The following MYO9A variants were observed in gnomAD, a reference collection of about 807,000 sequenced individuals.
MYO9A encodes the protein unconventional myosin-IXa.
MYO9A carries 103 observed loss-of-function variants against 293.3 expected under a neutral mutation model. That is an observed-to-expected ratio of 0.35 (90% confidence interval 0.30 to 0.41). The LOEUF (loss-of-function observed/expected upper bound fraction) is 0.41. Among genes scored for constraint, MYO9A ranks in the 10% least tolerant of loss-of-function variants. MYO9A has a pLI of 1.00. For missense variants in MYO9A, 2,685 were observed against 3,033.0 expected (o/e 0.89, Z 2.69); for synonymous variants, 1,001 against 1,035.7 (o/e 0.97, Z 0.64).
intron 11 of MYO9A, among the ~76,000 whole-genome samples, chr15:71,986,719 T>G (rs1320699550): frequency 1.3e-5 from 2 of 152,220 alleles, no homozygotes; most frequent in African/African-American, 4.8e-5. Context: ...AAAACATTTT[T>G]GTACAGCTGT....
At chr15:71,951,633 C>T (rs2059053099) in intron 15 of MYO9A, 144 bp downstream of exon 15, 4 of 856,354 alleles carry the variant, frequency 4.7e-6, no homozygotes, top group Non-Finnish European at 7.0e-6. Context: ...ACTAAAGACT[C>T]AATAGAAATA....
At chr15:71,856,214 G>A (rs1007646659) in intron 34 of MYO9A, among the ~76,000 whole-genome samples, 1 of 152,052 alleles carries the variant, frequency 6.6e-6, no homozygotes, top group African/African-American at 2.4e-5. Context: ...AGGAGGCTGA[G>A]GCAGGAGAAT....
intron 19 of MYO9A, among the ~76,000 whole-genome samples, chr15:71,909,695 T>G (rs1015024335): frequency 1.3e-5 from 2 of 152,230 alleles, no homozygotes; most frequent in African/African-American, 4.8e-5. Flanking sequence ...GTCTACTTAC[T>G]TAAGAGTCGA....
intron 15 of MYO9A, among the ~76,000 whole-genome samples, chr15:71,949,386 T>C (rs1161343565): frequency 6.6e-6 from 1 of 151,812 alleles, no homozygotes; most frequent in Non-Finnish European, 1.5e-5. Flanking sequence ...GTATTTTTAG[T>C]AGAGACAGGG....
rs773863675 is a variant in MYO9A at position 71,994,614 on chromosome 15, G to A, written c.1471-29C>T. The stretch of plus-strand genomic sequence containing the variant: ...AAAAACAAAAGCATTACAAGTGCAT[G>A]TAGAATTGACAATGATTAAGATACT... On this transcript the variant is annotated intron_variant, in intron 9 of 41. Coordinates refer to ENST00000356056, the MANE Select transcript of MYO9A (RefSeq NM_006901.4). 1.5e-5 allele frequency: 21 copies of A among 1,365,014 alleles called. No homozygotes were observed. The East Asian group carries it at 4.2e-4, about 27-fold the overall frequency. The allele number at this position is 1,365,014 out of a possible 1,614,324, so 84.6% of individuals were successfully genotyped here. A position where few individuals can be genotyped will look rare whatever the true frequency, so the allele number is the denominator to read the frequency against.
chr15:72,116,381 A>G (rs775473212), intron 1 of MYO9A, among the ~76,000 whole-genome samples: 3 of 152,220 alleles, frequency 2.0e-5, no homozygotes, highest in Non-Finnish European at 4.4e-5. Flanking sequence ...ATGCAACATT[A>G]CATTTCTTTC....
rs1379385215 is a variant in MYO9A, at chr15:71,825,394, A to ATATT, written c.*1182_*1185dup. On this transcript the variant is annotated 3_prime_UTR_variant, in exon 42 of 42. Transcript: ENST00000356056. ...TTTACAATAAACTTCAGTAACCAGA[A>ATATT]TATTAACAAAAATAGCTTCAAGTAG... 1.3e-5 allele frequency: 2 copies of ATATT among 152,258 alleles called. No individual in the cohort carries two copies. The highest frequency in any genetic ancestry group is 2.4e-5 in the African/African-American group (1 of 41,470). 9.4% of individuals were successfully genotyped at this position (152,258 alleles called of 1,614,324 possible).
chr15:71,906,289 A>G (rs1182269881), intron 19 of MYO9A, among the ~76,000 whole-genome samples: 1 of 152,190 alleles, frequency 6.6e-6, no homozygotes, highest in African/African-American at 2.4e-5. Context: ...ATATTCTGCA[A>G]TTGTTGGCTA....
intron 13 of MYO9A, 166 bp from the exon 14 acceptor site, chr15:71,960,262 G>A: frequency 3.2e-6 from 2 of 616,738 alleles, no homozygotes; most frequent in Non-Finnish European, 5.7e-6. Flanking sequence ...GGTCATGGAG[G>A]CAGATCCCTC....
chr15:72,024,243 G>A (rs1383151846), intron 4 of MYO9A, among the ~76,000 whole-genome samples: 5 of 152,186 alleles, frequency 3.3e-5, no homozygotes, highest in Non-Finnish European at 5.9e-5. Context: ...ACTGGTAAAA[G>A]TAACTACATA....
chr15:72,013,848 C>T (rs1378165564), intron 6 of MYO9A, among the ~76,000 whole-genome samples: 1 of 152,124 alleles, frequency 6.6e-6, no homozygotes, highest in Non-Finnish European at 1.5e-5. Context: ...ACTCTGTTGC[C>T]GAGGTTGGAG....
intron 18 of MYO9A, 23 bp downstream of exon 18, chr15:71,933,645 CAA>C (rs747290995): frequency 1.9e-6 from 3 of 1,583,030 alleles, no homozygotes; most frequent in Non-Finnish European, 2.6e-6. Context: ...AATACCAATA[CAA>C]AAAAAGTTTT....
chr15:71,933,605 T>C (rs942293898), intron 18 of MYO9A, 65 bp downstream of exon 18: 6 of 1,380,554 alleles, frequency 4.3e-6, no homozygotes, highest in Non-Finnish European at 6.1e-6. Flanking sequence ...ATGAAGATTG[T>C]ATGAGTAATA....
Position 71,875,855 on chromosome 15 carries a change from A to C in MYO9A, c.5932-17T>G. The C allele has an allele frequency of 7.6e-7, 1 of 1,322,120 alleles. No individual in the cohort carries two copies. The highest frequency in any genetic ancestry group is 9.8e-7 in the Non-Finnish European group (1 of 1,021,312). 81.9% of individuals were successfully genotyped at this position (1,322,120 alleles called of 1,614,324 possible). A position where few individuals can be genotyped will look rare whatever the true frequency, so the allele number is the denominator to read the frequency against. On this transcript the variant is annotated splice_polypyrimidine_tract_variant and intron_variant, in intron 31 of 41. Transcript: ENST00000356056. ...TTTTGGCACCTGACAGGGGGACAGG[A>C]GATATATGGAAATTGTGATAACAAA...
intron 1 of MYO9A, among the ~76,000 whole-genome samples, chr15:72,110,452 A>AG (rs1567052220): frequency 6.6e-6 from 1 of 150,560 alleles, no homozygotes; most frequent in African/African-American, 2.4e-5. Context: ...AAAAAAAAAA[A>AG]AAAAAAGAAA....
intron 15 of MYO9A, 59 bp downstream of exon 15, chr15:71,951,718 C>T (rs1406195516): frequency 6.2e-7 from 1 of 1,608,158 alleles, no homozygotes. Flanking sequence ...GTAGGATGCT[C>T]CTGGTTTCCA....
At chr15:71,981,372 T>A (rs1380870660) in intron 11 of MYO9A, among the ~76,000 whole-genome samples, 1 of 152,244 alleles carries the variant, frequency 6.6e-6, no homozygotes, top group Non-Finnish European at 1.5e-5. Context: ...CTTCTTTCCA[T>A]GTTGGTATAA....
intron 1 of MYO9A, among the ~76,000 whole-genome samples, chr15:72,090,282 CTT>C (rs1301521041): frequency 1.3e-5 from 2 of 152,216 alleles, no homozygotes; most frequent in East Asian, 3.9e-4. Context: ...AATATACTAA[CTT>C]TATATCTTTT....
intron 1 of MYO9A, among the ~76,000 whole-genome samples, chr15:72,077,720 ACTCTGTCT>A (rs2079400375): frequency 7.8e-6 from 1 of 128,454 alleles, no homozygotes; most frequent in Non-Finnish European, 1.6e-5. Flanking sequence ...ACAGAGTGAG[ACTCTGTCT>A]CAAAGAAAAA....
Sources: allele counts gnomAD v4.1 joint callset (sites outside exome capture counted in the v4.1 genomes callset), GRCh38; gene constraint gnomAD v4.1.1; transcripts MANE v1.5; gene names NCBI Gene and HGNC (gene_info 2026-07-23, HGNC 2026-07-21).